PPARGC1A: variants seen among roughly 807,000 people sequenced by gnomAD.
PPARGC1A encodes the protein peroxisome proliferator-activated receptor gamma coactivator 1-alpha.
PPARGC1A carries 25 observed loss-of-function variants against 88.7 expected under a neutral mutation model. That is an observed-to-expected ratio of 0.28 (90% CI 0.21 to 0.39). PPARGC1A has a LOEUF of 0.39. Ranked by LOEUF, PPARGC1A falls within the 10% of genes least tolerant of loss-of-function variation. The pLI, the probability that PPARGC1A is intolerant of heterozygous loss-of-function variation, is 1.00. For missense variants in PPARGC1A, 880 were observed against 968.7 expected (o/e 0.91, Z 1.22); for synonymous variants, 363 against 355.6 (o/e 1.02, Z -0.24).
At chr4:24,424,477 G>A in the PPARGC1A span, among the ~76,000 whole-genome samples, 4 of 151,764 alleles carry the variant, frequency 2.6e-5, no homozygotes, top group South Asian at 4.2e-4. Flanking sequence ...GGGTTTCACC[G>A]TGTTAGCCAG....
chr4:23,804,122 GTC>G (rs1435314470), intron 10 of PPARGC1A, among the ~76,000 whole-genome samples: 2 of 152,126 alleles, frequency 1.3e-5, no homozygotes, highest in Non-Finnish European at 2.9e-5. Flanking sequence ...ATAATCAACT[GTC>G]TACTTGACAT....
At chr4:24,317,707 G>C in the PPARGC1A span, among the ~76,000 whole-genome samples, 3 of 151,026 alleles carry the variant, frequency 2.0e-5, no homozygotes, top group African/African-American at 7.3e-5. Context: ...CTTCAGAGCT[G>C]TGGCTGCTGT....
chr4:24,426,540 A>G, the PPARGC1A span, among the ~76,000 whole-genome samples: 1 of 152,178 alleles, frequency 6.6e-6, no homozygotes, highest in African/African-American at 2.4e-5. Flanking sequence ...AAAAAGGAAA[A>G]GTGAAAATAG....
the PPARGC1A span, among the ~76,000 whole-genome samples, chr4:24,450,003 A>T: frequency 6.6e-6 from 1 of 152,206 alleles, no homozygotes; most frequent in South Asian, 2.1e-4. Flanking sequence ...TCTAGAAATG[A>T]CCTAACTGGT....
At chr4:24,145,764 C>A in the PPARGC1A span, among the ~76,000 whole-genome samples, 1 of 152,196 alleles carries the variant, frequency 6.6e-6, no homozygotes, top group African/African-American at 2.4e-5. Flanking sequence ...AAACGAATAG[C>A]AAATTTAATA....
the PPARGC1A span, among the ~76,000 whole-genome samples, chr4:24,354,583 T>C: frequency 6.6e-6 from 1 of 152,170 alleles, no homozygotes; most frequent in African/African-American, 2.4e-5. Flanking sequence ...CTGAGACACA[T>C]ATCATGTAAA....
the PPARGC1A span, among the ~76,000 whole-genome samples, chr4:23,969,489 C>T: frequency 6.6e-6 from 1 of 152,234 alleles, no homozygotes; most frequent in East Asian, 1.9e-4. Context: ...ATTTCTTTTA[C>T]GCTTTTTGGG....
At chr4:24,121,894 A>T in the PPARGC1A span, among the ~76,000 whole-genome samples, 5 of 152,180 alleles carry the variant, frequency 3.3e-5, no homozygotes, top group Non-Finnish European at 7.3e-5. Context: ...TGATTTTAGC[A>T]TCTTAACCCT....
chr4:24,347,384 T>C, the PPARGC1A span, among the ~76,000 whole-genome samples: 1 of 152,016 alleles, frequency 6.6e-6, no homozygotes, highest in Admixed American at 6.6e-5. Flanking sequence ...ACCACTATTA[T>C]TGTGTCTCAT....
At chr4:24,127,102 AG>A in the PPARGC1A span, among the ~76,000 whole-genome samples, 2 of 152,150 alleles carry the variant, frequency 1.3e-5, no homozygotes, top group African/African-American at 4.8e-5. Flanking sequence ...TAATTAAAAG[AG>A]GGGATGAGCC....
chr4:23,933,042 G>A, the PPARGC1A span, among the ~76,000 whole-genome samples: 1 of 152,216 alleles, frequency 6.6e-6, no homozygotes, highest in Non-Finnish European at 1.5e-5. Flanking sequence ...TAAAGGGAAA[G>A]TGAAGTGAAA....
chr4:24,136,633 C>G, the PPARGC1A span, among the ~76,000 whole-genome samples: 1 of 152,216 alleles, frequency 6.6e-6, no homozygotes, highest in Middle Eastern at 3.4e-3. Context: ...TCTTGGCTCT[C>G]CCTCGCTCTG....
At chr4:24,034,671 A>G in the PPARGC1A span, among the ~76,000 whole-genome samples, 32 of 152,354 alleles carry the variant, frequency 2.1e-4, no homozygotes, top group Admixed American at 6.5e-4. Context: ...ATGATTAATT[A>G]TAATAACATA....
At chr4:24,049,308 G>GTATATATATATATATATATA in the PPARGC1A span, among the ~76,000 whole-genome samples, 1 of 139,550 alleles carries the variant, frequency 7.2e-6, no homozygotes, top group Non-Finnish European at 1.5e-5. Flanking sequence ...ATATATGTGT[G>GTATATATATATATATATATA]TATATATATA....
rs149314691 is a variant in PPARGC1A, at chr4:23,888,363, C to A, written c.54+1541G>T. Among the ~76,000 whole-genome samples the A allele has an allele frequency of 5.6e-3, 848 of 152,320 alleles. 3 individuals carry two copies. Among genetic ancestry groups the A allele is most frequent in the African/African-American group, 0.019 (804 of 41,578 alleles). On this transcript the variant is annotated intron_variant, in intron 1 of 12. Coordinates refer to ENST00000264867, the MANE Select transcript of PPARGC1A (RefSeq NM_013261.5). ...AGGAATTCCAATGATTAAAATAAAT[C>A]TTCCTTATTTCCATATGATCTAGTT...
chr4:24,283,723 T>C, the PPARGC1A span, among the ~76,000 whole-genome samples: 91 of 152,224 alleles, frequency 6.0e-4, 1 homozygote, highest in East Asian at 0.015. Flanking sequence ...CCACCTAGAC[T>C]GAAATGCTGG....
At chr4:24,471,364 ATACACG>A in the PPARGC1A span, among the ~76,000 whole-genome samples, 1 of 151,788 alleles carries the variant, frequency 6.6e-6, no homozygotes, top group Non-Finnish European at 1.5e-5. This position sits in a 1 kb window ranked among gnomAD's most constrained non-coding sequence, Gnocchi z 5.4. Flanking sequence ...ACACACACGC[ATACACG>A]TACACACATG....
chr4:24,395,635 A>T, the PPARGC1A span, among the ~76,000 whole-genome samples: 1 of 152,240 alleles, frequency 6.6e-6, no homozygotes, highest in Non-Finnish European at 1.5e-5. Context: ...TCCAACGGAC[A>T]GAGCAGCATC....
the PPARGC1A span, among the ~76,000 whole-genome samples, chr4:24,014,004 C>A: frequency 1.3e-5 from 2 of 152,130 alleles, no homozygotes; most frequent in Admixed American, 1.3e-4. Flanking sequence ...ATTAGAGCAG[C>A]CACACGCCTT....
Sources: gnomAD v4.1 joint callset for allele counts (sites outside exome capture counted in the v4.1 genomes callset) on GRCh38, gnomAD v4.1.1 for gene constraint, Gnocchi (gnomAD v3.1) non-coding constraint, MANE v1.5 for transcripts, NCBI Gene and HGNC (gene_info 2026-07-23, HGNC 2026-07-21) for gene names.